The following USP54 variants were observed in gnomAD, a reference collection of about 807,000 sequenced individuals.
The protein encoded by USP54 is ubiquitin carboxyl-terminal hydrolase 54.
USP54 carries 87 observed loss-of-function variants against 170.5 expected under a neutral mutation model. The observed-to-expected ratio is 0.51, with a 90% CI of 0.43 to 0.61. USP54 has a LOEUF of 0.61. USP54 is among the 20% of genes least tolerant of loss of function. The pLI, the probability that USP54 is intolerant of heterozygous loss-of-function variation, is 0.00. For synonymous variants in USP54, 655 were observed against 742.8 expected, an observed-to-expected ratio of 0.88 and a Z score of 1.92; for missense variants, 1,786 against 2,047.8, an observed-to-expected ratio of 0.87 and a Z score of 2.47.
Position 73,624,159 on chromosome 10 carries a change from CATATATATATATATATATATATATAT to C in USP54, c.-18+1382_-18+1407del, listed in dbSNP as rs58238181. On this transcript the variant is annotated intron_variant, in intron 1 of 22. Transcript: ENST00000339859. ...CAGCTGAAGAAGGATTTTTAAAAGC[CATATATATATATATATATATATATAT>C]ATATATATATGTATTTTTTTTTTTT... Among the ~76,000 whole-genome samples, 20 of 69,872 alleles carry C rather than the reference CATATATATATATATATATATATATAT, an allele frequency of 2.9e-4. 1 individual carries two copies. Among genetic ancestry groups the C allele is most frequent in the African/African-American group, 7.2e-4 (13 of 18,052 alleles). The allele number at this position is 69,872 out of a possible 152,430, so 45.8% of individuals were successfully genotyped here.
intron 4 of USP54, among the ~76,000 whole-genome samples, chr10:73,556,780 C>T (rs927147527): frequency 6.6e-6 from 1 of 152,126 alleles, no homozygotes; most frequent in African/African-American, 2.4e-5. Flanking sequence ...AAGTGGACTA[C>T]GAGTAAAACA....
intron 4 of USP54, among the ~76,000 whole-genome samples, chr10:73,566,051 A>T (rs535653877): frequency 1.5e-3 from 235 of 152,016 alleles, no homozygotes; most frequent in Non-Finnish European, 2.3e-3. Flanking sequence ...GCCAACATTG[A>T]GAAACCCTGT....
At chr10:73,624,177 TATATATA>T (rs2081304895) in intron 1 of USP54, among the ~76,000 whole-genome samples, 22 of 111,116 alleles carry the variant, frequency 2.0e-4, no homozygotes, top group South Asian at 6.9e-4. Flanking sequence ...TATATATATA[TATATATA>T]TATATATATA....
chr10:73,530,388 A>G lies in USP54; in HGVS notation c.1583T>C (p.Val528Ala). 1.2e-6 allele frequency: 2 copies of G among 1,614,184 alleles called. No homozygotes were observed. The highest frequency in any genetic ancestry group is 2.2e-5 in the East Asian group (1 of 44,876). ...TCCTCTGCCCCTGCAGTGAGAGCCT[A>G]CATTGGTCTGAGAAGCCAGGGATGG... ...NRPSLASQTN[V>A]GSHCRGRGGD... The change falls in exon 14 of 24, where the codon GTA becomes GCA. Residue 528 changes from valine (V) to alanine (A), a missense_variant. Around this residue, in one of 3 missense-constraint regions of USP54, gnomAD observed 1,418 missense variants for 1,569.0 expected, o/e 0.90. Coordinates refer to ENST00000687698, the MANE Select transcript of USP54 (RefSeq NM_001391956.1).
At chr10:73,502,378 G>A (rs1470608401) in intron 22 of USP54, among the ~76,000 whole-genome samples, 5 of 151,822 alleles carry the variant, frequency 3.3e-5, no homozygotes, top group Non-Finnish European at 7.4e-5. Context: ...GCGCAATCTC[G>A]GCTCACTCAC....
At chr10:73,560,929 C>T (rs1021929266) in intron 4 of USP54, among the ~76,000 whole-genome samples, 1 of 149,190 alleles carries the variant, frequency 6.7e-6, no homozygotes, top group Admixed American at 6.7e-5. Context: ...ATGGTGAAAC[C>T]CTGTCTCTAC....
In USP54 at chr10:73,610,553, G is replaced by A. The variant is rs148063348; in HGVS notation, c.-18+15014C>T. On this transcript the variant is annotated intron_variant, in intron 1 of 22. Transcript: ENST00000339859. ...GTGGGAGAATCGCTTGAACCCAGGA[G>A]GCAGAGGTTGCAGTGAGCCGAGTTC... Among the ~76,000 whole-genome samples the A allele has an allele frequency of 3.8e-3, 577 of 152,188 alleles. 6 individuals carry two copies. The highest frequency in any genetic ancestry group is 0.014 in the African/African-American group (561 of 41,534).
At chr10:73,604,891 G>A (rs759403343) in intron 1 of USP54, among the ~76,000 whole-genome samples, 3 of 152,146 alleles carry the variant, frequency 2.0e-5, no homozygotes, top group Non-Finnish European at 4.4e-5. Context: ...AGCTTCCACA[G>A]TGTGGAAGGT....
At chr10:73,525,797 A>G (rs2062745534) in intron 16 of USP54, among the ~76,000 whole-genome samples, 2 of 152,218 alleles carry the variant, frequency 1.3e-5, no homozygotes, top group Admixed American at 1.3e-4. Flanking sequence ...ATACATACCT[A>G]AAAGGGTTCA....
At chr10:73,612,058 G>A (rs2080192146) in intron 1 of USP54, among the ~76,000 whole-genome samples, 1 of 152,062 alleles carries the variant, frequency 6.6e-6, no homozygotes, top group Admixed American at 6.6e-5. Flanking sequence ...GCTGCAGTGA[G>A]TTGAGATCCC....
At chr10:73,541,886 CA>C in intron 7 of USP54, 148 bp from the exon 8 acceptor site, 1 of 695,234 alleles carries the variant, frequency 1.4e-6, no homozygotes, top group Non-Finnish European at 2.4e-6. Context: ...GTCCCATAAA[CA>C]CAGTAAGTAC....
intron 10 of USP54, 135 bp downstream of exon 10, chr10:73,539,308 AT>A (rs144759303): frequency 3.5e-3 from 895 of 254,630 alleles, no homozygotes; most frequent in Non-Finnish European, 3.8e-3. Flanking sequence ...AAAAAAAAAA[AT>A]ATATATATAT....
At chr10:73,531,668 G>A (rs577756233) in intron 12 of USP54, among the ~76,000 whole-genome samples, 8 of 152,198 alleles carry the variant, frequency 5.3e-5, no homozygotes, top group African/African-American at 1.9e-4. Flanking sequence ...TCATTTAAAG[G>A]GCATTTCAAC....
chr10:73,500,961 C>T, intron 22 of USP54, 123 bp from the exon 23 acceptor site: 3 of 1,063,306 alleles, frequency 2.8e-6, no homozygotes, highest in South Asian at 1.7e-5. Flanking sequence ...AACATGCCTA[C>T]ATGCCTTGTT....
At chr10:73,535,042 C>T (rs2064939460) in intron 11 of USP54, among the ~76,000 whole-genome samples, 1 of 152,126 alleles carries the variant, frequency 6.6e-6, no homozygotes, top group Non-Finnish European at 1.5e-5. Context: ...TTTATAAAAC[C>T]TATCGGGGGA....
At chr10:73,560,548 C>A (rs945039676) in intron 4 of USP54, among the ~76,000 whole-genome samples, 10 of 149,574 alleles carry the variant, frequency 6.7e-5, no homozygotes, top group African/African-American at 2.2e-4. Flanking sequence ...CCTGTAGTCC[C>A]AGCTACTCAG....
At chr10:73,587,331 C>G (rs1043285041) in intron 1 of USP54, among the ~76,000 whole-genome samples, 1 of 151,972 alleles carries the variant, frequency 6.6e-6, no homozygotes, top group Non-Finnish European at 1.5e-5. Context: ...AAAAATTAGC[C>G]GGGTGTGGTG....
At chr10:73,600,379 G>T (rs1487620892) in intron 1 of USP54, among the ~76,000 whole-genome samples, 1 of 152,142 alleles carries the variant, frequency 6.6e-6, no homozygotes, top group Non-Finnish European at 1.5e-5. Flanking sequence ...CTGTGGTGAT[G>T]AAAATATTTG....
In USP54 at chr10:73,591,312, T is replaced by TA. The variant is rs913364711; in HGVS notation, c.-617dup. On this transcript the variant is annotated 5_prime_UTR_variant, in exon 1 of 24. Transcript: ENST00000687698. The stretch of plus-strand genomic sequence containing the variant: ...CAGTCAACCTCCAGCAAAAGACCTC[T>TA]AATCACGAGGGTATCTGTGGGGCAA... 5 of 152,140 alleles carry TA rather than the reference T, an allele frequency of 3.3e-5. No homozygotes were observed. The highest frequency in any genetic ancestry group is 5.9e-5 in the Non-Finnish European group (4 of 68,070). 9.4% of individuals were successfully genotyped at this position (152,140 alleles called of 1,614,324 possible). A position where few individuals can be genotyped will look rare whatever the true frequency, so the allele number is the denominator to read the frequency against.
Sources: gnomAD v4.1 joint callset for allele counts (sites outside exome capture counted in the v4.1 genomes callset) on GRCh38, gnomAD v4.1.1 for gene constraint, gnomAD v4.1.1 regional missense constraint, MANE v1.5 for transcripts, NCBI Gene and HGNC (gene_info 2026-07-23, HGNC 2026-07-21) for gene names.